DLGAP2: variants seen among roughly 807,000 people sequenced by gnomAD.
DLGAP2 encodes DLG associated protein 2.
In DLGAP2, 26 loss-of-function variants were observed where a neutral mutation model predicts 100.3. That is an observed-to-expected ratio of 0.26 (90% confidence interval 0.19 to 0.36). DLGAP2 has a LOEUF of 0.36. Among genes scored for constraint, DLGAP2 ranks in the 10% least tolerant of loss-of-function variants. The probability of loss-of-function intolerance (pLI) is 1.00; values close to 1 mark genes in which losing one functional copy is unlikely to be tolerated. For missense variants in DLGAP2, 1,858 were observed against 1,453.2 expected, an observed-to-expected ratio of 1.28 and a Z score of -4.53; for synonymous variants, 886 against 630.1, an observed-to-expected ratio of 1.41 and a Z score of -6.08.
Position 985,944 on chromosome 8 carries a change from G to A in DLGAP2, c.73+77978G>A, listed in dbSNP as rs1800474592. 2.0e-5 allele frequency among the ~76,000 whole-genome samples: 3 copies of A among 152,098 alleles called. No individual in the cohort carries two copies. The South Asian group carries it at 6.2e-4, about 32-fold the overall frequency. On this transcript the variant is annotated intron_variant, in intron 2 of 14. Transcript: ENST00000637795. ...TCCCTCCCTGAAGATGCTCTTGGTG[G>A]AATAAAAACTTCCTGAAGAAGATGC...
At chr8:1,187,649 A>C (rs1312198021) in intron 2 of DLGAP2, among the ~76,000 whole-genome samples, 1 of 133,106 alleles carries the variant, frequency 7.5e-6, no homozygotes, top group Non-Finnish European at 1.6e-5. Context: ...GTCTCATGGA[A>C]TCTCACGTGC....
chr8:1,661,264 G>A (rs534433349), intron 8 of DLGAP2, among the ~76,000 whole-genome samples: 89 of 152,318 alleles, frequency 5.8e-4, no homozygotes, highest in African/African-American at 2.0e-3. Context: ...GCCTCATGGT[G>A]GTGGGGGCTG....
intron 2 of DLGAP2, among the ~76,000 whole-genome samples, chr8:983,072 C>T (rs764930191): frequency 6.6e-6 from 1 of 152,172 alleles, no homozygotes; most frequent in Non-Finnish European, 1.5e-5. Context: ...GGGATAGGAT[C>T]AGGGCAGGGT....
At chr8:1,122,705 C>T (rs1428930950) in intron 2 of DLGAP2, among the ~76,000 whole-genome samples, 1 of 151,638 alleles carries the variant, frequency 6.6e-6, no homozygotes, top group East Asian at 1.9e-4. Context: ...AGCTATACTC[C>T]CTTTCTTCCT....
chr8:1,483,516 G>C (rs1349418229), intron 3 of DLGAP2, among the ~76,000 whole-genome samples: 1 of 143,952 alleles, frequency 6.9e-6, no homozygotes, highest in African/African-American at 2.9e-5. Context: ...GACAAGGGAA[G>C]GCTGAACTGC....
intron 3 of DLGAP2, among the ~76,000 whole-genome samples, chr8:1,437,232 C>T (rs887289512): frequency 3.3e-5 from 5 of 152,028 alleles, no homozygotes; most frequent in Admixed American, 6.5e-5. Flanking sequence ...TCCGGGTCTG[C>T]GTTCAGCCCA....
chr8:835,116 G>T (rs553286953), intron 1 of DLGAP2, among the ~76,000 whole-genome samples: 55 of 152,258 alleles, frequency 3.6e-4, no homozygotes, highest in African/African-American at 1.2e-3. Flanking sequence ...TTTGTGGAGG[G>T]GGGGCTGCTT....
chr8:1,424,195 T>C (rs562344750), intron 3 of DLGAP2, among the ~76,000 whole-genome samples: 2 of 152,224 alleles, frequency 1.3e-5, no homozygotes, highest in Non-Finnish European at 2.9e-5. Flanking sequence ...GAGAGACCTC[T>C]AGAAATTCAG....
At chr8:1,186,609 T>G (rs1199389211) in intron 2 of DLGAP2, among the ~76,000 whole-genome samples, 1 of 152,138 alleles carries the variant, frequency 6.6e-6, no homozygotes, top group African/African-American at 2.4e-5. Flanking sequence ...GTGCGGTGTC[T>G]TCTGAGCTGA....
At chr8:1,225,050 A>G (rs1265501271) in intron 2 of DLGAP2, among the ~76,000 whole-genome samples, 1 of 152,244 alleles carries the variant, frequency 6.6e-6, no homozygotes, top group Non-Finnish European at 1.5e-5. Context: ...ACTATCCACA[A>G]AAACTTAAAA....
chr8:1,011,445 A>G (rs549213180), intron 2 of DLGAP2, among the ~76,000 whole-genome samples: 324 of 143,622 alleles, frequency 2.3e-3, no homozygotes, highest in Admixed American at 3.6e-3. Context: ...GTCTCAGTCT[A>G]CACAGTGAGC....
At chr8:950,097 C>T (rs906564634) in intron 2 of DLGAP2, among the ~76,000 whole-genome samples, 1 of 152,126 alleles carries the variant, frequency 6.6e-6, no homozygotes, top group Non-Finnish European at 1.5e-5. Context: ...GCCTTGGTGC[C>T]GCGGGGCTCA....
chr8:1,144,513 A>G (rs1014738664), intron 2 of DLGAP2, among the ~76,000 whole-genome samples: 9 of 152,218 alleles, frequency 5.9e-5, no homozygotes, highest in African/African-American at 2.2e-4. Flanking sequence ...GTTGCAAACA[A>G]AAGATTCTTG....
At chr8:1,328,826 C>T (rs903711332) in intron 3 of DLGAP2, among the ~76,000 whole-genome samples, 6 of 152,296 alleles carry the variant, frequency 3.9e-5, no homozygotes, top group African/African-American at 1.4e-4. Context: ...AGCTGTGTTT[C>T]TGAGAAAGGC....
chr8:1,334,394 T>G (rs1021405653), intron 3 of DLGAP2, among the ~76,000 whole-genome samples: 1 of 152,044 alleles, frequency 6.6e-6, no homozygotes, highest in Non-Finnish European at 1.5e-5. Flanking sequence ...ACCAACCACA[T>G]CAAATGGTGG....
intron 1 of DLGAP2, among the ~76,000 whole-genome samples, chr8:800,109 G>C (rs1796117200): frequency 6.6e-6 from 1 of 152,086 alleles, no homozygotes; most frequent in Non-Finnish European, 1.5e-5. Context: ...CTTGGTGTCT[G>C]CTGTCTCTAA....
At chr8:1,359,732 C>T (rs1801936423) in intron 3 of DLGAP2, among the ~76,000 whole-genome samples, 1 of 152,250 alleles carries the variant, frequency 6.6e-6, no homozygotes. Flanking sequence ...GTTCCCTGCG[C>T]AGCGTGGGAC....
intron 2 of DLGAP2, among the ~76,000 whole-genome samples, chr8:1,042,791 TGTGGGTGGTGGGTGTGGGTG>T (rs1802394708): frequency 1.8e-5 from 2 of 112,290 alleles, no homozygotes; most frequent in African/African-American, 6.6e-5. Context: ...GGGTGGTGGG[TGTGGGTGGTGGGTGTGGGTG>T]GTGGATGTGG....
chr8:1,390,116 TAGA>T (rs1796314669), intron 3 of DLGAP2, among the ~76,000 whole-genome samples: 1 of 152,096 alleles, frequency 6.6e-6, no homozygotes, highest in Non-Finnish European at 1.5e-5. Flanking sequence ...GTATCAGGCT[TAGA>T]GGAGAAGCTC....
Sources: allele counts gnomAD v4.1 joint callset (sites outside exome capture counted in the v4.1 genomes callset), GRCh38; gene constraint gnomAD v4.1.1; transcripts MANE v1.5; gene names NCBI Gene and HGNC (gene_info 2026-07-23, HGNC 2026-07-21).